ADGRL2: variants seen among roughly 807,000 people sequenced by gnomAD.
ADGRL2 encodes calcium-independent alpha-latrotoxin receptor 2.
Under a neutral mutation model 157.4 loss-of-function variants are expected in ADGRL2, and 44 were observed. The ratio of observed to expected loss-of-function variants is 0.28; its 90% CI spans 0.22 to 0.36. The LOEUF is 0.36. Among genes scored for constraint, ADGRL2 ranks in the 10% least tolerant of loss-of-function variants. The probability of loss-of-function intolerance (pLI) is 1.00; values close to 1 mark genes in which losing one functional copy is unlikely to be tolerated. For missense variants in ADGRL2, 1,510 were observed against 1,768.9 expected (o/e 0.85, Z 2.63); for synonymous variants, 585 against 624.7 (o/e 0.94, Z 0.95).
chr1:81,763,357 G>T (rs1451379023), intron 2 of ADGRL2, among the ~76,000 whole-genome samples: 1 of 151,676 alleles, frequency 6.6e-6, no homozygotes, highest in Non-Finnish European at 1.5e-5. Context: ...GGCTGAGGCA[G>T]GAGAATCACC....
chr1:81,416,408 A>G (rs1287963336), intron 1 of ADGRL2, among the ~76,000 whole-genome samples: 1 of 151,982 alleles, frequency 6.6e-6, no homozygotes, highest in African/African-American at 2.4e-5. Flanking sequence ...GAGACTTGCT[A>G]AAGAGTTTTT....
chr1:81,306,995 A>AAAAGCTGAAGGCCTTATTGCT (rs1659383459), intron 1 of ADGRL2, among the ~76,000 whole-genome samples: 3 of 152,250 alleles, frequency 2.0e-5, no homozygotes, highest in Non-Finnish European at 4.4e-5. Context: ...CTGCAAAGCA[A>AAAAGCTGAAGGCCTTATTGCT]AAAGCTGAAG....
chr1:81,510,985 G>A (rs1026344219), intron 2 of ADGRL2, among the ~76,000 whole-genome samples: 7 of 152,056 alleles, frequency 4.6e-5, no homozygotes. Context: ...TATAATCAAA[G>A]CTTCAAAGTT....
intron 11 of ADGRL2, among the ~76,000 whole-genome samples, chr1:81,960,339 T>C (rs1654934807): frequency 6.6e-6 from 1 of 152,210 alleles, no homozygotes; most frequent in Non-Finnish European, 1.5e-5. Flanking sequence ...TAACAAGAAC[T>C]TTCTGTTGCA....
chr1:81,645,766 A>G (rs2082303220), intron 3 of ADGRL2, among the ~76,000 whole-genome samples: 1 of 152,124 alleles, frequency 6.6e-6, no homozygotes, highest in East Asian at 1.9e-4. Context: ...CTTGCTGGAC[A>G]TTTAGGTGGT....
intron 17 of ADGRL2, 129 bp downstream of exon 17, chr1:81,972,047 G>T: frequency 4.4e-6 from 2 of 455,762 alleles, no homozygotes; most frequent in African/African-American, 2.0e-5. Flanking sequence ...TGTCTCACAG[G>T]ATAATAGTAT....
At chr1:81,968,419 T>A (rs2149305464) in intron 14 of ADGRL2, among the ~76,000 whole-genome samples, 1 of 152,342 alleles carries the variant, frequency 6.6e-6, no homozygotes, top group African/African-American at 2.4e-5. Flanking sequence ...GACTTGTAAG[T>A]TTTCCTCCTT....
rs1317322825 is a variant in ADGRL2, at chr1:81,969,323, T to A, written c.2669T>A (p.Leu890His). The change falls in exon 15 of 24, where the codon CTT becomes CAT. Residue 890 changes from leucine to histidine, a missense_variant. By Grantham distance (99) the Leu-to-His change is moderately conservative (BLOSUM62 -3). Transcript: ENST00000686636. Reference sequence around the variant, plus strand: ...GACCGAAATACTATTCACAAGAACCTTTGTATCAACCTTTTCATTGCTGAA... The same window carrying A: ...GACCGAAATACTATTCACAAGAACCATTGTATCAACCTTTTCATTGCTGAA... ...QSDRNTIHKNLCINLFIAEFI... is the reference protein window; with the variant it reads ...QSDRNTIHKNHCINLFIAEFI... 6.2e-7 allele frequency: 1 copy of A among 1,614,016 alleles called. No homozygotes were observed. Among genetic ancestry groups the A allele is most frequent in the Non-Finnish European group, 8.5e-7 (1 of 1,179,902 alleles).
chr1:81,731,630 G>C (rs928298364), intron 1 of ADGRL2, among the ~76,000 whole-genome samples: 4 of 151,904 alleles, frequency 2.6e-5, no homozygotes, highest in African/African-American at 9.7e-5. Flanking sequence ...GTATGTGCTT[G>C]CTGCTCTCTA....
intron 1 of ADGRL2, among the ~76,000 whole-genome samples, chr1:81,431,395 T>C (rs2077318327): frequency 6.6e-6 from 1 of 152,070 alleles, no homozygotes; most frequent in African/African-American, 2.4e-5. Context: ...CCATGAACCA[T>C]GCCAGGAAAC....
chr1:81,888,502 C>T (rs2094180613), intron 2 of ADGRL2, among the ~76,000 whole-genome samples: 1 of 152,098 alleles, frequency 6.6e-6, no homozygotes, highest in African/African-American at 2.4e-5. Context: ...CGCAGTGGTG[C>T]AATCTCGCTC....
At chr1:81,386,521 T>C (rs904747094) in intron 1 of ADGRL2, among the ~76,000 whole-genome samples, 1 of 152,162 alleles carries the variant, frequency 6.6e-6, no homozygotes, top group African/African-American at 2.4e-5. Flanking sequence ...TCTGCAACAA[T>C]CTAGAAGCAC....
intron 2 of ADGRL2, among the ~76,000 whole-genome samples, chr1:81,577,334 C>T (rs2080818175): frequency 1.3e-5 from 2 of 152,206 alleles, no homozygotes; most frequent in South Asian, 4.1e-4. Context: ...TACTCTTGTA[C>T]TCCTTGAGTC....
At chr1:81,717,143 A>C (rs2084144840) in intron 1 of ADGRL2, among the ~76,000 whole-genome samples, 1 of 152,186 alleles carries the variant, frequency 6.6e-6, no homozygotes, top group Admixed American at 6.5e-5. Flanking sequence ...CTAAATTATC[A>C]GGACTTCCCA....
intron 1 of ADGRL2, among the ~76,000 whole-genome samples, chr1:81,355,400 A>G (rs756572881): frequency 2.0e-5 from 3 of 152,130 alleles, no homozygotes; most frequent in Non-Finnish European, 4.4e-5. Flanking sequence ...CTTGGTATAC[A>G]ATTTTTAGAG....
chr1:81,715,764 C>T (rs2084096542), intron 1 of ADGRL2, among the ~76,000 whole-genome samples: 1 of 152,044 alleles, frequency 6.6e-6, no homozygotes, highest in Non-Finnish European at 1.5e-5. Context: ...TCCATTGTCT[C>T]TTCATGAGAC....
chr1:81,487,816 G>C lies in ADGRL2; in HGVS notation c.-248+42727G>C, dbSNP rs1485652413. Among the ~76,000 whole-genome samples the C allele has an allele frequency of 2.0e-5, 3 of 152,104 alleles. No homozygotes were observed. The East Asian group carries it at 5.8e-4, about 29-fold the overall frequency. ...TCACTTGAAAAATGGACTGGCTGAG[G>C]AGGAGATGTACAAATATATACAAGT... is the stretch of plus-strand genomic sequence containing the variant. On this transcript the variant is annotated intron_variant, in intron 2 of 24. Transcript: ENST00000370721.
chr1:81,955,218 C>T lies in ADGRL2; in HGVS notation c.1834-659C>T, dbSNP rs948284886. Among the ~76,000 whole-genome samples, 6 of 152,126 alleles carry T rather than the reference C, an allele frequency of 3.9e-5. No individual in the cohort carries two copies. The South Asian group carries it at 1.0e-3, about 26-fold the overall frequency. On this transcript the variant is annotated intron_variant, in intron 10 of 23. Coordinates refer to ENST00000686636, the MANE Select transcript of ADGRL2 (RefSeq NM_001366006.2). Reference sequence around the variant, plus strand: ...CTTTAATTTTTATTCCTTTCTTTATCCCTTTAAAAGCAGATCATTGTTGAT... The same window carrying T: ...CTTTAATTTTTATTCCTTTCTTTATTCCTTTAAAAGCAGATCATTGTTGAT...
intron 1 of ADGRL2, among the ~76,000 whole-genome samples, chr1:81,833,366 G>A (rs2092080744): frequency 6.6e-6 from 1 of 152,120 alleles, no homozygotes; most frequent in Non-Finnish European, 1.5e-5. Flanking sequence ...GCCAGTGTTT[G>A]CAGTAGTTCA....
Sources: allele counts gnomAD v4.1 joint callset (sites outside exome capture counted in the v4.1 genomes callset), GRCh38; gene constraint gnomAD v4.1.1; transcripts MANE v1.5; gene names NCBI Gene and HGNC (gene_info 2026-07-23, HGNC 2026-07-21).